The following SZT2 variants were observed in gnomAD, a reference collection of about 807,000 sequenced individuals.
The protein encoded by SZT2 is KICSTOR complex protein SZT2.
Under a neutral mutation model 404.2 loss-of-function variants are expected in SZT2, and 216 were observed. That is an observed-to-expected ratio of 0.53 (90% confidence interval 0.48 to 0.60). The LOEUF is 0.60. Ranked by LOEUF, SZT2 falls within the 20% of genes least tolerant of loss-of-function variation. SZT2 has a pLI of 0.00. For synonymous variants in SZT2, 1,693 were observed against 1,749.9 expected (o/e 0.97, Z 0.81); for missense variants, 3,857 against 4,459.2 (o/e 0.86, Z 3.85).
At chr1:43,400,610 G>A (rs938584973) in intron 1 of SZT2, among the ~76,000 whole-genome samples, 2 of 152,180 alleles carry the variant, frequency 1.3e-5, no homozygotes, top group African/African-American at 2.4e-5. Context: ...GGTGGCTCAC[G>A]CCTGTAATCC....
In SZT2 at chr1:43,401,778, G is replaced by A. The variant is rs141988032; in HGVS notation, c.28-1399G>A. Among the ~76,000 whole-genome samples, 388 of 152,226 alleles carry A rather than the reference G, an allele frequency of 2.5e-3. 3 individuals carry two copies. The highest frequency in any genetic ancestry group is 8.2e-3 in the African/African-American group (341 of 41,554). On this transcript the variant is annotated intron_variant, in intron 1 of 71. Coordinates refer to ENST00000634258, the MANE Select transcript of SZT2 (RefSeq NM_001365999.1). Reference sequence around the variant, plus strand: ...TGGGATTACAGGCATGAGCCACTGCGCCCAGCCCTTTTTTTTTCTTTTACA... The same window carrying A: ...TGGGATTACAGGCATGAGCCACTGCACCCAGCCCTTTTTTTTTCTTTTACA...
intron 35 of SZT2, 88 bp from the exon 36 acceptor site, chr1:43,431,626 CTG>C: frequency 1.3e-6 from 2 of 1,595,378 alleles, no homozygotes; most frequent in Non-Finnish European, 1.7e-6. Context: ...CTCTCTCAGT[CTG>C]TGAGGCAAAT....
chr1:43,448,888 C>T lies in SZT2; in HGVS notation c.10086+160C>T, dbSNP rs754603857. On this transcript the variant is annotated intron_variant, in intron 70 of 71. Coordinates refer to ENST00000634258, the MANE Select transcript of SZT2 (RefSeq NM_001365999.1). The surrounding 1 kb of genome is among the most constrained non-coding windows in gnomAD (Gnocchi z 4.2). ...GTAAAACCCTTCCAGTACCGGGCAT[C>T]GAGCTACAGCATGTGATTCTCTGAG... is the stretch of plus-strand genomic sequence containing the variant. The T allele has an allele frequency of 2.9e-6, 2 of 681,376 alleles. No individual in the cohort carries two copies. Among genetic ancestry groups the T allele is most frequent in the African/African-American group, 3.6e-5 (2 of 55,928 alleles). 42.2% of individuals were successfully genotyped at this position (681,376 alleles called of 1,614,324 possible).
At position 43,434,406 on chromosome 1, in the gene SZT2, G is replaced by A. The variant is rs749617609; in HGVS notation, c.5825G>A (p.Gly1942Glu). The stretch of plus-strand genomic sequence containing the variant: ...CCCAGGAGCCTGATTCGGGAGGATG[G>A]GGGGCCGGGCACTGAGTGTCGCCAC... ...AHARSLIRED[G>E]GPGTECRHLQ... The change falls in exon 41 of 72, where the codon GGG becomes GAG. Residue 1942 changes from glycine to glutamate, a missense_variant. By Grantham distance (98) the Gly-to-Glu change is moderately conservative. This residue lies in a region of SZT2 where 1,725 missense variants were observed against 1,881.0 expected (regional missense o/e 0.92). Coordinates refer to ENST00000634258, the MANE Select transcript of SZT2 (RefSeq NM_001365999.1). The A allele has an allele frequency of 1.9e-5, 30 of 1,596,052 alleles. No individual in the cohort carries two copies. The highest frequency in any genetic ancestry group is 1.7e-4 in the Middle Eastern group (1 of 6,046).
intron 4 of SZT2, chr1:43,410,308 T>G (rs1650853107): frequency 6.6e-6 from 1 of 151,984 alleles, no homozygotes; most frequent in Admixed American, 6.6e-5. Context: ...ATCCCAACAC[T>G]TTGGGAGGCC....
intron 1 of SZT2, among the ~76,000 whole-genome samples, chr1:43,398,779 C>T (rs926064444): frequency 1.1e-4 from 16 of 152,120 alleles, no homozygotes; most frequent in African/African-American, 3.6e-4. Context: ...TTGTAGCTAA[C>T]TTAGAAATCA....
At chr1:43,417,273 G>A (rs1276309484) in intron 7 of SZT2, among the ~76,000 whole-genome samples, 3 of 152,146 alleles carry the variant, frequency 2.0e-5, no homozygotes, top group Middle Eastern at 3.2e-3. Context: ...TAAATTAGGG[G>A]TAAGAGGATT....
At position 43,427,193 on chromosome 1, in the gene SZT2, ACCT is replaced by A; in HGVS notation, c.3433+19_3433+21del. The stretch of plus-strand genomic sequence containing the variant: ...CTACCTTCTCAGGTGCCAGCTGCTG[ACCT>A]CCTCACGAACCCCCTCAGATACAAA... On this transcript the variant is annotated intron_variant, in intron 24 of 71. Coordinates refer to ENST00000634258, the MANE Select transcript of SZT2 (RefSeq NM_001365999.1). 2 of 1,613,522 alleles carry A rather than the reference ACCT, an allele frequency of 1.2e-6. No homozygotes were observed. The highest frequency in any genetic ancestry group is 1.1e-5 in the South Asian group (1 of 90,966).
Position 43,425,995 on chromosome 1 carries a change from G to C in SZT2, c.2930-43G>C. The C allele has an allele frequency of 1.2e-6, 2 of 1,612,844 alleles. No homozygotes were observed. Among genetic ancestry groups the C allele is most frequent in the Non-Finnish European group, 1.7e-6 (2 of 1,178,882 alleles). The stretch of plus-strand genomic sequence containing the variant: ...ACTGGTGGAGCAGGGGAGTGGGTAG[G>C]GTAATCTGCGTCTCACTGTGTCCTG... On this transcript the variant is annotated intron_variant, in intron 20 of 71. Coordinates refer to ENST00000634258, the MANE Select transcript of SZT2 (RefSeq NM_001365999.1). This position sits in a 1 kb window ranked among gnomAD's most constrained non-coding sequence, Gnocchi z 4.3.
rs1021793445 is a variant in SZT2, at chr1:43,390,104, G to T, written c.27+109G>T. On this transcript the variant is annotated intron_variant, in intron 1 of 71. Transcript: ENST00000634258. The stretch of plus-strand genomic sequence containing the variant: ...GGTCTGGGGGTGGCCGGGCTGCGTA[G>T]CCTCGGCAGGGACCAGCCCAGCCCG... 7.4e-5 allele frequency: 93 copies of T among 1,261,976 alleles called. 2 individuals carry two copies. In the South Asian group the frequency reaches 1.6e-3, roughly 22 times the overall value. 78.2% of individuals were successfully genotyped at this position (1,261,976 alleles called of 1,614,324 possible).
intron 52 of SZT2, among the ~76,000 whole-genome samples, chr1:43,440,989 G>A (rs981297715): frequency 6.6e-6 from 1 of 152,132 alleles, no homozygotes; most frequent in African/African-American, 2.4e-5. Context: ...TTTTCTTGTC[G>A]GATCCTCACA....
rs1193304424 is a variant in SZT2 at position 43,420,015 on chromosome 1, G to A, written c.1090+71G>A. ...TGGGCCCAGAGATGATGGGGCCCTGGAGGACTGAAAGTGTAACTGGGGCTG... is the reference window on the plus strand; with the variant it reads ...TGGGCCCAGAGATGATGGGGCCCTGAAGGACTGAAAGTGTAACTGGGGCTG... On this transcript the variant is annotated intron_variant, in intron 8 of 71. Transcript: ENST00000634258. The surrounding 1 kb of genome is among the most constrained non-coding windows in gnomAD (Gnocchi z 5.1). 1.3e-6 allele frequency: 2 copies of A among 1,576,178 alleles called. No homozygotes were observed. Among genetic ancestry groups the A allele is most frequent in the African/African-American group, 1.3e-5 (1 of 74,426 alleles).
intron 4 of SZT2, among the ~76,000 whole-genome samples, chr1:43,408,709 G>A (rs917819600): frequency 2.0e-5 from 3 of 151,972 alleles, no homozygotes; most frequent in Admixed American, 1.3e-4. Flanking sequence ...GCCCCTACTT[G>A]GCCACTTGAG....
chr1:43,402,705 G>T (rs2153929505), intron 1 of SZT2, among the ~76,000 whole-genome samples: 1 of 152,286 alleles, frequency 6.6e-6, no homozygotes, highest in Middle Eastern at 3.4e-3. Context: ...TTGATTTTGA[G>T]GTATTTGGAA....
Position 43,404,353 on chromosome 1 carries a change from C to T in SZT2, c.328-27C>T, listed in dbSNP as rs753597423. On this transcript the variant is annotated intron_variant, in intron 3 of 71. Transcript: ENST00000634258. ...TCTGGTTAGGGCTGCCTTTGGACCC[C>T]CTTGAGTGCTCTTTCTCTGCCCTCA... 3 of 1,599,260 alleles carry T rather than the reference C, an allele frequency of 1.9e-6. No individual in the cohort carries two copies. The South Asian group carries it at 3.4e-5, about 18-fold the overall frequency.
chr1:43,403,571 C>G, intron 2 of SZT2, 30 bp from the exon 3 acceptor site: 1 of 1,602,540 alleles, frequency 6.2e-7, no homozygotes, highest in South Asian at 1.1e-5. Flanking sequence ...TTCGCTGATC[C>G]TTTCCTTTTC....
chr1:43,453,356 C>CAGGGGT lies in SZT2; in HGVS notation c.*2877_*2882dup, dbSNP rs1570767405. ...GAACCTGCATCAGGGTCATGGGTCA[C>CAGGGGT]AGGGGTGGGGGTGGGGTGGAGCGGG... On this transcript the variant is annotated 3_prime_UTR_variant, in exon 72 of 72. Transcript: ENST00000634258. 8.6e-7 allele frequency: 1 copy of CAGGGGT among 1,157,168 alleles called. No individual in the cohort carries two copies. The allele number at this position is 1,157,168 out of a possible 1,614,324, so 71.7% of individuals were successfully genotyped here.
At position 43,441,906 on chromosome 1, in the gene SZT2, G is replaced by T. The variant is rs115155214; in HGVS notation, c.7742+88G>T. The T allele has an allele frequency of 1.1e-5, 17 of 1,595,322 alleles. No individual in the cohort carries two copies. The highest frequency in any genetic ancestry group is 1.4e-5 in the Non-Finnish European group (16 of 1,167,780). On this transcript the variant is annotated intron_variant, in intron 55 of 71. Transcript: ENST00000634258. The surrounding 1 kb of genome is among the most constrained non-coding windows in gnomAD (Gnocchi z 4.8). ...AGGAAGCCAAACCTGAGGAAGCTGA[G>T]CTAGGAGAGGTGGAAACAAGGCCCA...
chr1:43,409,468 T>C (rs979898313), intron 4 of SZT2: 2 of 386,410 alleles, frequency 5.2e-6, no homozygotes, highest in East Asian at 1.6e-4. Flanking sequence ...AACTGGAAAA[T>C]AAGTCAAATT....
Sources: allele counts gnomAD v4.1 joint callset (sites outside exome capture counted in the v4.1 genomes callset), GRCh38; gene constraint gnomAD v4.1.1; regional missense constraint gnomAD v4.1.1; non-coding constraint Gnocchi (gnomAD v3.1); transcripts MANE v1.5; gene names NCBI Gene and HGNC (gene_info 2026-07-23, HGNC 2026-07-21).